CCDC195: variants seen among roughly 807,000 people sequenced by gnomAD.
CCDC195 encodes the protein coiled-coil domain containing 195.
intron 2 of CCDC195, among the ~76,000 whole-genome samples, chr2:224,709,637 G>T (rs1382620746): frequency 2.6e-5 from 4 of 152,162 alleles, no homozygotes; most frequent in Non-Finnish European, 5.9e-5. Flanking sequence ...TTACTTGTGT[G>T]CCTTTGTCAC....
intron 2 of CCDC195, among the ~76,000 whole-genome samples, chr2:224,707,919 TCTTC>T (rs1195559256): frequency 5.3e-5 from 8 of 151,232 alleles, no homozygotes; most frequent in African/African-American, 1.9e-4. Flanking sequence ...TCCTTTTCTT[TCTTC>T]CTTCCTTTCT....
chr2:224,704,649 G>T (rs1207401228), intron 2 of CCDC195, among the ~76,000 whole-genome samples: 1 of 116,524 alleles, frequency 8.6e-6, no homozygotes, highest in East Asian at 2.8e-4. Flanking sequence ...TTGAGACAGA[G>T]TCTCATTCTG....
At chr2:224,704,265 C>T (rs954138903) in intron 2 of CCDC195, among the ~76,000 whole-genome samples, 1 of 152,200 alleles carries the variant, frequency 6.6e-6, no homozygotes, top group East Asian at 1.9e-4. Flanking sequence ...ATTTTATAGT[C>T]CAGATAAATC....
Position 224,706,189 on chromosome 2 carries a change from C to CTTTTTTTTTT in CCDC195, c.483-2312_483-2303dup, listed in dbSNP as rs201012911. On this transcript the variant is annotated intron_variant, in intron 2 of 2. Transcript: ENST00000638102. ...TGTATATTGCCTCTATATTTTGTAA[C>CTTTTTTTTTT]TTTTTTTTTTTTTTTTTTTTTTTTT... 4.4e-3 allele frequency among the ~76,000 whole-genome samples: 146 copies of CTTTTTTTTTT among 33,364 alleles called. 46 individuals carry two copies. The highest frequency in any genetic ancestry group is 6.9e-3 in the African/African-American group (44 of 6,376). 21.9% of individuals were successfully genotyped at this position (33,364 alleles called of 152,430 possible).
At position 224,714,378 on chromosome 2, in the gene CCDC195, G is replaced by T. The variant is rs756568179; in HGVS notation, c.235+1753C>A. Among the ~76,000 whole-genome samples, 3 of 150,594 alleles carry T rather than the reference G, an allele frequency of 2.0e-5. No individual in the cohort carries two copies. The South Asian group carries it at 6.4e-4, about 32-fold the overall frequency. On this transcript the variant is annotated intron_variant, in intron 1 of 2. Transcript: ENST00000638102. Reference sequence around the variant, plus strand: ...AAGATGCAACTTACTTTTCTGTTAGGATAAGTCCCACAGAGAATAGACTTG... The same window carrying T: ...AAGATGCAACTTACTTTTCTGTTAGTATAAGTCCCACAGAGAATAGACTTG...
intron 1 of CCDC195, among the ~76,000 whole-genome samples, chr2:224,714,617 G>A (rs964883992): frequency 6.6e-6 from 1 of 152,140 alleles, no homozygotes; most frequent in Non-Finnish European, 1.5e-5. Flanking sequence ...TAATTATTCA[G>A]TCTCAAATGT....
At chr2:224,712,191 A>T (rs1689325571) in intron 1 of CCDC195, among the ~76,000 whole-genome samples, 1 of 152,210 alleles carries the variant, frequency 6.6e-6, no homozygotes, top group Non-Finnish European at 1.5e-5. Flanking sequence ...CAAAAAAGAT[A>T]TTCAACACAG....
intron 1 of CCDC195, among the ~76,000 whole-genome samples, chr2:224,714,408 A>AATG (rs1559323308): frequency 6.6e-6 from 1 of 151,730 alleles, no homozygotes; most frequent in South Asian, 2.1e-4. Context: ...GACTTGAAGT[A>AATG]TTGTTTATTT....
rs1325176796 is a variant in CCDC195, at chr2:224,706,417, C to G, written c.483-2530G>C. On this transcript the variant is annotated intron_variant, in intron 2 of 2. Coordinates refer to ENST00000638102, the Ensembl canonical transcript of CCDC195. ...ATGGGGTTTCACCATATTGGTCAGG[C>G]TGGTCTTGAACTCTTGGCCTCAGGT... is the stretch of plus-strand genomic sequence containing the variant. 3.3e-5 allele frequency among the ~76,000 whole-genome samples: 5 copies of G among 150,626 alleles called. No individual in the cohort carries two copies. The East Asian group carries it at 9.8e-4, about 29-fold the overall frequency.
At chr2:224,707,771 A>G (rs1689233066) in intron 2 of CCDC195, among the ~76,000 whole-genome samples, 1 of 152,250 alleles carries the variant, frequency 6.6e-6, no homozygotes, top group Admixed American at 6.5e-5. Context: ...GAATGAATGA[A>G]TGTAATAAAA....
chr2:224,714,950 G>A (rs1011165411), intron 1 of CCDC195, among the ~76,000 whole-genome samples: 1 of 151,504 alleles, frequency 6.6e-6, no homozygotes, highest in Non-Finnish European at 1.5e-5. Context: ...TTCTTTTTGA[G>A]ATGGAGTCTC....
chr2:224,714,559 C>G (rs148923766), intron 1 of CCDC195, among the ~76,000 whole-genome samples: 260 of 152,186 alleles, frequency 1.7e-3, no homozygotes, highest in African/African-American at 5.8e-3. Context: ...TGGTTAGAGG[C>G]CAGGGAAGCT....
intron 2 of CCDC195, among the ~76,000 whole-genome samples, chr2:224,709,630 C>G (rs532306021): frequency 6.6e-6 from 1 of 152,176 alleles, no homozygotes; most frequent in African/African-American, 2.4e-5. Flanking sequence ...AGATAGTTTA[C>G]TTGTGTGCCT....
chr2:224,709,284 T>C (rs1689278333), intron 2 of CCDC195, among the ~76,000 whole-genome samples: 1 of 151,968 alleles, frequency 6.6e-6, no homozygotes, highest in Non-Finnish European at 1.5e-5. Context: ...AGACAGGGTT[T>C]TGCTATGTTG....
intron 1 of CCDC195, among the ~76,000 whole-genome samples, chr2:224,712,641 C>G (rs1005705185): frequency 1.3e-5 from 2 of 152,216 alleles, no homozygotes; most frequent in African/African-American, 4.8e-5. Context: ...ACTTTTAGCT[C>G]TAAGTGATCC....
chr2:224,712,756 A>G (rs957532440), intron 1 of CCDC195, among the ~76,000 whole-genome samples: 1 of 152,168 alleles, frequency 6.6e-6, no homozygotes, highest in Non-Finnish European at 1.5e-5. Flanking sequence ...TTTGTTTCCA[A>G]AAAAGGATTG....
At chr2:224,715,127 C>G (rs1258267227) in intron 1 of CCDC195, among the ~76,000 whole-genome samples, 2 of 152,096 alleles carry the variant, frequency 1.3e-5, no homozygotes, top group African/African-American at 4.8e-5. Context: ...CAGGGTTTCA[C>G]CATGTTGGCC....
At chr2:224,712,125 C>T (rs1014968930) in intron 1 of CCDC195, among the ~76,000 whole-genome samples, 2 of 152,162 alleles carry the variant, frequency 1.3e-5, no homozygotes, top group South Asian at 2.1e-4. Context: ...AGCATATAGG[C>T]TTATTGTTCA....
chr2:224,712,330 G>A (rs1367797498), intron 1 of CCDC195, among the ~76,000 whole-genome samples: 2 of 152,142 alleles, frequency 1.3e-5, no homozygotes, highest in Non-Finnish European at 2.9e-5. Context: ...TCTTTACAGC[G>A]GCAAATTGCT....
Sources: gnomAD v4.1 joint callset for allele counts (sites outside exome capture counted in the v4.1 genomes callset) on GRCh38, gnomAD v4.1.1 for gene constraint, MANE v1.5 for transcripts, NCBI Gene and HGNC (gene_info 2026-07-23, HGNC 2026-07-21) for gene names.